Variants in FRMPD2 observed in about 807,000 individuals in gnomAD.
The protein encoded by FRMPD2 is FERM and PDZ domain-containing protein 2.
FRMPD2 carries 96 observed loss-of-function variants against 140.1 expected under a neutral mutation model. The ratio of observed to expected loss-of-function variants is 0.69; its 90% CI spans 0.58 to 0.81. The LOEUF (loss-of-function observed/expected upper bound fraction) is 0.81, where lower values mean the gene tolerates loss of function less well. FRMPD2 is among the 40% of genes least tolerant of loss of function. The probability of loss-of-function intolerance (pLI) is 0.00; values close to 1 mark genes in which losing one functional copy is unlikely to be tolerated. For synonymous variants in FRMPD2, 449 were observed against 547.6 expected (o/e 0.82, Z 2.52); for missense variants, 1,240 against 1,447.4 (o/e 0.86, Z 2.32).
rs933646284 is a variant in FRMPD2, at chr10:48,274,682, C to T, written c.-115G>A. The stretch of plus-strand genomic sequence containing the variant: ...CTCCCTGCCACCAGCACTGTTGCCG[C>T]TGTCTTTGTTTACTGCTTGTCACTA... On this transcript the variant is annotated 5_prime_UTR_variant, in exon 1 of 29. Transcript: ENST00000374201. 4 of 956,240 alleles carry T rather than the reference C, an allele frequency of 4.2e-6. No homozygotes were observed. The highest frequency in any genetic ancestry group is 5.0e-6 in the Non-Finnish European group (3 of 603,472). 59.2% of individuals were successfully genotyped at this position (956,240 alleles called of 1,614,324 possible).
chr10:48,273,303 C>T (rs1035126689), intron 1 of FRMPD2, among the ~76,000 whole-genome samples: 1 of 152,164 alleles, frequency 6.6e-6, no homozygotes, highest in African/African-American at 2.4e-5. Flanking sequence ...AGACACGACA[C>T]ATCCTTCATT....
chr10:48,228,059 T>C (rs1343747795), intron 10 of FRMPD2, among the ~76,000 whole-genome samples: 1 of 152,112 alleles, frequency 6.6e-6, no homozygotes, highest in African/African-American at 2.4e-5. Flanking sequence ...GTGAGACAAA[T>C]GTGACAATGA....
intron 12 of FRMPD2, among the ~76,000 whole-genome samples, chr10:48,215,060 A>G (rs1839413997): frequency 6.6e-6 from 1 of 152,210 alleles, no homozygotes; most frequent in African/African-American, 2.4e-5. Flanking sequence ...TTTATACTAA[A>G]TTGTCTTTGT....
intron 1 of FRMPD2, among the ~76,000 whole-genome samples, chr10:48,270,917 C>T (rs1394036330): frequency 6.6e-6 from 1 of 152,166 alleles, no homozygotes; most frequent in East Asian, 1.9e-4. Context: ...AGCACCCTCC[C>T]CTGAATGACC....
chr10:48,205,600 TTTAG>T (rs2131871140), intron 14 of FRMPD2, among the ~76,000 whole-genome samples: 2 of 152,326 alleles, frequency 1.3e-5, no homozygotes, highest in South Asian at 2.1e-4. Context: ...AAACTTTCAG[TTTAG>T]TTAATGTAAT....
intron 1 of FRMPD2, among the ~76,000 whole-genome samples, chr10:48,253,838 T>C (rs1840437038): frequency 6.6e-6 from 1 of 152,186 alleles, no homozygotes; most frequent in African/African-American, 2.4e-5. Context: ...GGAACCCTTT[T>C]TTCTCCTATC....
intron 10 of FRMPD2, among the ~76,000 whole-genome samples, chr10:48,227,665 T>TA (rs1839754862): frequency 6.6e-6 from 1 of 152,234 alleles, no homozygotes; most frequent in Non-Finnish European, 1.5e-5. Context: ...TACCTTTGGA[T>TA]ATTTGGACTT....
intron 1 of FRMPD2, among the ~76,000 whole-genome samples, chr10:48,266,563 C>T (rs1410476384): frequency 6.6e-6 from 1 of 152,172 alleles, no homozygotes; most frequent in African/African-American, 2.4e-5. Context: ...TGATCTTTGA[C>T]AAAGGAGCAA....
rs1260852719 is a variant in FRMPD2, at chr10:48,172,825, A to G, written c.3223+121T>C. ...AAAAGCAGATCTCAGCATGATCACT[A>G]TGGCTCGCTTTCTTTTCAGGACCCA... On this transcript the variant is annotated intron_variant, in intron 25 of 28. Coordinates refer to ENST00000374201, the MANE Select transcript of FRMPD2 (RefSeq NM_001018071.4). 12 of 848,066 alleles carry G rather than the reference A, an allele frequency of 1.4e-5. No homozygotes were observed. The East Asian group carries it at 2.9e-4, about 21-fold the overall frequency. 52.5% of individuals were successfully genotyped at this position (848,066 alleles called of 1,614,324 possible).
chr10:48,177,997 T>C, intron 22 of FRMPD2, 50 bp downstream of exon 22: 3 of 839,982 alleles, frequency 3.6e-6, no homozygotes, highest in Admixed American at 3.8e-5. Context: ...CACCAGGTTC[T>C]AGACGGACAT....
chr10:48,255,803 A>C (rs1055834080), intron 1 of FRMPD2, among the ~76,000 whole-genome samples: 1 of 152,218 alleles, frequency 6.6e-6, no homozygotes, highest in African/African-American at 2.4e-5. Flanking sequence ...AAAACTTCCC[A>C]GGTAGAGGGA....
rs1840206381 is a variant in FRMPD2, at chr10:48,244,789, G to A, written c.370C>T (p.His124Tyr). ...GGAGTATCTTGTTTACAAACCTGATGTGGCGGAACATGAAACCCTGCTGAC... is the reference window on the plus strand; with the variant it reads ...GGAGTATCTTGTTTACAAACCTGATATGGCGGAACATGAAACCCTGCTGAC... ...YWSAGFHVPP[H>Y]QPLQLCEPLH... Residue 124 changes from histidine to tyrosine, a missense_variant, in exon 4 of 29, where the codon CAT becomes TAT. Transcript: ENST00000374201. 2.5e-6 allele frequency: 4 copies of A among 1,612,426 alleles called. No homozygotes were observed. Among genetic ancestry groups the A allele is most frequent in the Non-Finnish European group, 3.4e-6 (4 of 1,178,432 alleles).
intron 10 of FRMPD2, among the ~76,000 whole-genome samples, chr10:48,230,872 G>A (rs567527424): frequency 1.3e-5 from 2 of 152,280 alleles, no homozygotes; most frequent in South Asian, 4.2e-4. Context: ...CAAGTCTCCT[G>A]CCTGATGTGC....
chr10:48,272,396 T>C (rs534216736), intron 1 of FRMPD2, among the ~76,000 whole-genome samples: 2 of 152,334 alleles, frequency 1.3e-5, no homozygotes, highest in South Asian at 4.1e-4. Context: ...ATTATAAAAA[T>C]CTCCAATTAA....
At chr10:48,274,240 A>T (rs778396787) in intron 1 of FRMPD2, among the ~76,000 whole-genome samples, 1 of 152,232 alleles carries the variant, frequency 6.6e-6, no homozygotes, top group Non-Finnish European at 1.5e-5. Flanking sequence ...AAGTTAAAAG[A>T]GTCATTTGAA....
intron 12 of FRMPD2, among the ~76,000 whole-genome samples, chr10:48,217,920 G>A (rs763037427): frequency 6.6e-6 from 1 of 152,194 alleles, no homozygotes; most frequent in Non-Finnish European, 1.5e-5. Context: ...CAGACTCAGG[G>A]TGTACTAATC....
chr10:48,255,653 C>A (rs1418039290), intron 1 of FRMPD2, among the ~76,000 whole-genome samples: 2 of 152,158 alleles, frequency 1.3e-5, no homozygotes, highest in Non-Finnish European at 2.9e-5. Flanking sequence ...GAGTGATAGA[C>A]TAATGAAGTA....
rs537537639 is a variant in FRMPD2, at chr10:48,187,649, A to G, written c.2166-357T>C. Among the ~76,000 whole-genome samples, 10 of 152,294 alleles carry G rather than the reference A, an allele frequency of 6.6e-5. No homozygotes were observed. The South Asian group carries it at 1.7e-3, about 25-fold the overall frequency. On this transcript the variant is annotated intron_variant, in intron 16 of 28. Transcript: ENST00000374201. The stretch of plus-strand genomic sequence containing the variant: ...TAACATTCCTACTTCCCAGGCTTCT[A>G]AGGGAACTGAAATGAGATAGTAAGT...
In FRMPD2 at chr10:48,242,180, A is replaced by T. The variant is rs758756859; in HGVS notation, c.548T>A (p.Val183Asp). The T allele has an allele frequency of 1.2e-6, 2 of 1,613,488 alleles. No homozygotes were observed. Among genetic ancestry groups the T allele is most frequent in the Admixed American group, 3.3e-5 (2 of 59,998 alleles). Residue 183 changes from valine to aspartate, a missense_variant, in exon 5 of 29, where the codon GTT (valine) becomes GAT (aspartate). This residue lies in a region of FRMPD2 where 1,161 missense variants were observed against 1,055.9 expected (regional missense o/e 1.10). Transcript: ENST00000374201. ...GLHIRRLVGL[V>D]LGTISEVEKR... ...ACTGACCTCAGAAATGGTACCCAGA[A>T]CCAAGCCAACCAGCCTTCTGATGTG...
Sources: allele counts gnomAD v4.1 joint callset (sites outside exome capture counted in the v4.1 genomes callset), GRCh38; gene constraint gnomAD v4.1.1; regional missense constraint gnomAD v4.1.1; transcripts MANE v1.5; gene names NCBI Gene and HGNC (gene_info 2026-07-23, HGNC 2026-07-21).